FLI1: variants seen among roughly 807,000 people sequenced by gnomAD.
The protein encoded by FLI1 is Fli-1 proto-oncogene, ETS transcription factor.
A neutral mutation model predicts 53.1 loss-of-function variants in FLI1; 13 were observed. The ratio of observed to expected loss-of-function variants is 0.24; its 90% CI spans 0.16 to 0.39. FLI1 has a LOEUF of 0.39. FLI1 is among the 10% of genes least tolerant of loss of function. FLI1 has a pLI of 1.00. For synonymous variants in FLI1, 244 were observed against 236.7 expected, an observed-to-expected ratio of 1.03 and a Z score of -0.28; for missense variants, 424 against 600.5, an observed-to-expected ratio of 0.71 and a Z score of 3.07.
At position 128,809,171 on chromosome 11, in the gene FLI1, C is replaced by T. The variant is rs375259681; in HGVS notation, c.796C>T (p.Leu266=). The change falls in exon 8 of 9, where the codon CTG becomes TTG. Residue 266 remains leucine (L), a synonymous_variant. Coordinates refer to ENST00000527786, the MANE Select transcript of FLI1 (RefSeq NM_002017.5). ...QRPQPDPYQI[L]GPTSSRLANP... is the part of the protein sequence containing the mutation. ...TATTTCCTTAGATCCGTATCAGATC[C>T]TGGGCCCGACCAGCAGTCGCCTAGC... 1.2e-6 allele frequency: 2 copies of T among 1,613,818 alleles called. No individual in the cohort carries two copies. The highest frequency in any genetic ancestry group is 1.7e-5 in the Admixed American group (1 of 60,008).
intron 5 of FLI1, among the ~76,000 whole-genome samples, chr11:128,787,601 A>G (rs983444682): frequency 4.6e-5 from 7 of 152,100 alleles, no homozygotes; most frequent in South Asian, 2.1e-4. Context: ...AGGTGCTTAC[A>G]TTTTTCTGCC....
At chr11:128,799,020 ATATTATTAT>A (rs751738832) in intron 5 of FLI1, among the ~76,000 whole-genome samples, 6 of 139,388 alleles carry the variant, frequency 4.3e-5, no homozygotes, top group South Asian at 4.6e-4. Context: ...TTATTTTATT[ATATTATTAT>A]TATTATTATT....
At chr11:128,689,830 G>A (rs1053465861), upstream of FLI1, among the ~76,000 whole-genome samples, 1 of 152,166 alleles carries the variant, frequency 6.6e-6, no homozygotes, top group South Asian at 2.1e-4. Context: ...CTGGGGGCTC[G>A]GAGACCCTCC....
intron 4 of FLI1, among the ~76,000 whole-genome samples, chr11:128,774,887 G>A (rs688019): frequency 0.43 from 64,968 of 151,854 alleles, 15,395 homozygotes; most frequent in Middle Eastern, 0.58. Flanking sequence ...GTCACTGGTC[G>A]CCAGTAGAGA....
At position 128,723,996 on chromosome 11, in the gene FLI1, A is replaced by G. The variant is rs1939364725; in HGVS notation, c.18+29720A>G. On this transcript the variant is annotated intron_variant, in intron 1 of 8. Coordinates refer to ENST00000527786, the MANE Select transcript of FLI1 (RefSeq NM_002017.5). The stretch of plus-strand genomic sequence containing the variant: ...TCACTCTTGTCGCTCAGGCTGGAGT[A>G]TAGTGGCGCCATCTGGGCTCACTGT... Among the ~76,000 whole-genome samples the G allele has an allele frequency of 2.4e-5, 3 of 122,568 alleles. No individual in the cohort carries two copies. The Admixed American group carries it at 3.2e-4, about 13-fold the overall frequency. The allele number at this position is 122,568 out of a possible 152,430, so 80.4% of individuals were successfully genotyped here.
intron 1 of FLI1, among the ~76,000 whole-genome samples, chr11:128,702,754 T>C (rs560020448): frequency 1.3e-4 from 20 of 151,824 alleles, no homozygotes; most frequent in African/African-American, 4.8e-4. Context: ...CCCAGCTACT[T>C]GGGAGGCTGA....
At chr11:128,753,991 C>T (rs1411840977) in intron 1 of FLI1, among the ~76,000 whole-genome samples, 1 of 152,210 alleles carries the variant, frequency 6.6e-6, no homozygotes, top group African/African-American at 2.4e-5. Flanking sequence ...TCTGCTCTTT[C>T]ACTTGGGTCT....
At chr11:128,726,693 C>T (rs902927714) in intron 1 of FLI1, among the ~76,000 whole-genome samples, 3 of 152,160 alleles carry the variant, frequency 2.0e-5, no homozygotes, top group Non-Finnish European at 4.4e-5. Flanking sequence ...CAGAGGAGGC[C>T]AAGCCCCAGA....
At chr11:128,790,099 C>A (rs546932140) in intron 5 of FLI1, among the ~76,000 whole-genome samples, 1 of 113,354 alleles carries the variant, frequency 8.8e-6, no homozygotes, top group Non-Finnish European at 2.0e-5. Context: ...TGTGTGTGCA[C>A]GCGTGCTGTT....
chr11:128,738,054 G>T (rs1048740445), intron 1 of FLI1, among the ~76,000 whole-genome samples: 1 of 152,136 alleles, frequency 6.6e-6, no homozygotes, highest in African/African-American at 2.4e-5. Flanking sequence ...GTCATGGCAA[G>T]GTTTTACCTT....
intron 5 of FLI1, among the ~76,000 whole-genome samples, chr11:128,796,971 G>A (rs139689993): frequency 2.5e-3 from 379 of 152,266 alleles, no homozygotes; most frequent in African/African-American, 8.2e-3. Flanking sequence ...GCAAGACTTC[G>A]TCTCAAAACA....
At chr11:128,766,418 G>T (rs188252969) in intron 2 of FLI1, among the ~76,000 whole-genome samples, 2 of 152,126 alleles carry the variant, frequency 1.3e-5, no homozygotes, top group African/African-American at 4.8e-5. Flanking sequence ...ACATGTGTGA[G>T]TTATACATCT....
intron 4 of FLI1, among the ~76,000 whole-genome samples, chr11:128,776,226 C>T (rs1026563123): frequency 6.6e-5 from 10 of 152,188 alleles, no homozygotes; most frequent in African/African-American, 2.4e-4. Context: ...GTTCTTCACA[C>T]CTGGGCGTGT....
intron 1 of FLI1, among the ~76,000 whole-genome samples, chr11:128,723,668 A>C (rs1297843152): frequency 6.6e-6 from 1 of 152,214 alleles, no homozygotes; most frequent in Admixed American, 6.5e-5. Context: ...CATTAATGTA[A>C]TCATCCTTTA....
intron 1 of FLI1, 30 bp downstream of exon 1, chr11:128,694,306 C>T: frequency 2.2e-6 from 3 of 1,333,694 alleles, no homozygotes; most frequent in Non-Finnish European, 1.9e-6. Flanking sequence ...ACGCGGGCGG[C>T]GGGGACCGGC....
intron 1 of FLI1, among the ~76,000 whole-genome samples, chr11:128,738,112 G>C (rs1405503626): frequency 6.6e-6 from 1 of 152,022 alleles, no homozygotes; most frequent in African/African-American, 2.4e-5. Context: ...AGTTTATAGG[G>C]GAGCAAACAT....
intron 5 of FLI1, among the ~76,000 whole-genome samples, chr11:128,789,772 A>G (rs764371873): frequency 6.6e-6 from 1 of 151,938 alleles, no homozygotes; most frequent in Non-Finnish European, 1.5e-5. Flanking sequence ...AGTGCAGCGT[A>G]TGGGGGCTAG....
chr11:128,694,198 G>A lies in FLI1; in HGVS notation c.-61G>A. The A allele has an allele frequency of 6.6e-7, 1 of 1,510,320 alleles. No homozygotes were observed. Among genetic ancestry groups the A allele is most frequent in the Non-Finnish European group, 8.8e-7 (1 of 1,130,372 alleles). 93.6% of individuals were successfully genotyped at this position (1,510,320 alleles called of 1,614,324 possible). The stretch of plus-strand genomic sequence containing the variant: ...CGGGCTAATCCGAAGGGGCTGCGAG[G>A]TCAGGCTGTAACCGGGTCAATGTGT... On this transcript the variant is annotated 5_prime_UTR_variant, in exon 1 of 9. Transcript: ENST00000527786.
upstream of FLI1, among the ~76,000 whole-genome samples, chr11:128,692,408 G>A (rs1359818580): frequency 1.3e-5 from 2 of 151,878 alleles, no homozygotes; most frequent in East Asian, 1.9e-4. Context: ...GGAGCGGGGG[G>A]AGTCAGCCCG....
Sources: gnomAD v4.1 joint callset for allele counts (sites outside exome capture counted in the v4.1 genomes callset) on GRCh38, gnomAD v4.1.1 for gene constraint, MANE v1.5 for transcripts, NCBI Gene and HGNC (gene_info 2026-07-23, HGNC 2026-07-21) for gene names.